TXNRD1: variants seen among roughly 807,000 people sequenced by gnomAD.
TXNRD1 encodes the protein thioredoxin reductase 1, also known as thioredoxin reductase 1, cytoplasmic.
TXNRD1 carries 57 observed loss-of-function variants against 80.3 expected under a neutral mutation model. That is an observed-to-expected ratio of 0.71 (90% CI 0.57 to 0.89). The LOEUF (loss-of-function observed/expected upper bound fraction) is 0.89. TXNRD1 is among the 40% of genes least tolerant of loss of function. The pLI, the probability that TXNRD1 is intolerant of heterozygous loss-of-function variation, is 0.00. For missense variants in TXNRD1, 730 were observed against 803.0 expected (o/e 0.91, Z 1.10); for synonymous variants, 291 against 285.2 (o/e 1.02, Z -0.20).
intron 4 of TXNRD1, among the ~76,000 whole-genome samples, chr12:104,292,859 CA>C (rs1234912502): frequency 5.3e-5 from 8 of 152,110 alleles, no homozygotes; most frequent in African/African-American, 1.9e-4. Context: ...CTTTAATACC[CA>C]AAACATATTT....
intron 2 of TXNRD1, among the ~76,000 whole-genome samples, chr12:104,254,644 A>AAAAAAAAAAAAATATATATAT: frequency 5.3e-5 from 5 of 93,646 alleles, no homozygotes; most frequent in Non-Finnish European, 5.7e-5. Context: ...AAAAAAAAAA[A>AAAAAAAAAAAAATATATATAT]ATATATATAT....
Position 104,286,819 on chromosome 12 carries a change from G to A in TXNRD1, c.305-2112G>A, listed in dbSNP as rs999972375. ...TTAAATTGTTTTTGCTCTGTTCTTA[G>A]GTTGGGGGCGGCTATGAGCAGGCAG... is the stretch of plus-strand genomic sequence containing the variant. On this transcript the variant is annotated intron_variant, in intron 3 of 16. Transcript: ENST00000525566. The A allele has an allele frequency of 1.3e-5, 14 of 1,052,834 alleles. No individual in the cohort carries two copies. The African/African-American group carries it at 1.9e-4, about 14-fold the overall frequency. The allele number at this position is 1,052,834 out of a possible 1,614,324, so 65.2% of individuals were successfully genotyped here. A position where few individuals can be genotyped will look rare whatever the true frequency, so the allele number is the denominator to read the frequency against.
At chr12:104,254,644 A>AAAAAAATATATATATATATAT in intron 2 of TXNRD1, among the ~76,000 whole-genome samples, 11 of 93,628 alleles carry the variant, frequency 1.2e-4, no homozygotes, top group Non-Finnish European at 1.9e-4. Context: ...AAAAAAAAAA[A>AAAAAAATATATATATATATAT]ATATATATAT....
At chr12:104,271,209 G>A (rs7969143) in intron 3 of TXNRD1, among the ~76,000 whole-genome samples, 129,685 of 143,558 alleles carry the variant, frequency 0.9, 58,791 homozygotes, top group Middle Eastern at 0.98. Context: ...TTTGTGAGAC[G>A]GAGTCTCGCT....
intron 3 of TXNRD1, among the ~76,000 whole-genome samples, chr12:104,268,417 C>T (rs1173941432): frequency 9.9e-5 from 15 of 151,504 alleles, no homozygotes; most frequent in South Asian, 4.2e-4. Flanking sequence ...CCCAGCTACT[C>T]CGGAGGGTGA....
intron 1 of TXNRD1, among the ~76,000 whole-genome samples, chr12:104,220,570 A>G (rs1465147156): frequency 6.6e-6 from 1 of 152,096 alleles, no homozygotes; most frequent in Non-Finnish European, 1.5e-5. Flanking sequence ...CTAAAAAAAT[A>G]CAAAATTAGC....
chr12:104,237,222 A>G (rs945269494), intron 1 of TXNRD1, among the ~76,000 whole-genome samples: 10 of 152,266 alleles, frequency 6.6e-5, no homozygotes, highest in African/African-American at 2.4e-4. Flanking sequence ...TTTGGTGTGT[A>G]ATAACTTACA....
At chr12:104,264,424 T>A (rs1466476121) in intron 3 of TXNRD1, among the ~76,000 whole-genome samples, 1 of 152,204 alleles carries the variant, frequency 6.6e-6, no homozygotes, top group African/African-American at 2.4e-5. Flanking sequence ...CTTTCTCCCA[T>A]AGCGAATGAG....
At chr12:104,267,931 C>CCTCCAT (rs1289613060) in intron 3 of TXNRD1, among the ~76,000 whole-genome samples, 4 of 150,530 alleles carry the variant, frequency 2.7e-5, no homozygotes, top group African/African-American at 9.8e-5. Flanking sequence ...CTCACTGCAA[C>CCTCCAT]CTCCATCTCC....
chr12:104,217,630 A>G (rs1047622201), intron 1 of TXNRD1, among the ~76,000 whole-genome samples: 1 of 152,132 alleles, frequency 6.6e-6, no homozygotes, highest in Admixed American at 6.6e-5. Context: ...GTTTTTAAGT[A>G]TACAGTTTTC....
At chr12:104,280,053 ACT>A (rs2033843947) in intron 3 of TXNRD1, among the ~76,000 whole-genome samples, 1 of 84,178 alleles carries the variant, frequency 1.2e-5, no homozygotes, top group African/African-American at 5.9e-5. Context: ...ACAGAGTGAG[ACT>A]CTGTCTCAAA....
intron 13 of TXNRD1, among the ~76,000 whole-genome samples, chr12:104,331,092 G>T (rs2035932154): frequency 6.6e-6 from 1 of 151,834 alleles, no homozygotes; most frequent in Non-Finnish European, 1.5e-5. Flanking sequence ...CTAAAGGTGG[G>T]ATTATTGGGC....
rs180876268 is a variant in TXNRD1, at chr12:104,273,131, G to C, written c.304+15052G>C. ...ATCAAGAGGAATAAGCAGACCTACA[G>C]CACCATGCCCAATAACTTGAAGGCC... On this transcript the variant is annotated intron_variant, in intron 3 of 16. Coordinates refer to ENST00000525566, the MANE Select transcript of TXNRD1 (RefSeq NM_001093771.3). Among the ~76,000 whole-genome samples, 683 of 152,322 alleles carry C rather than the reference G, an allele frequency of 4.5e-3. 6 individuals are homozygous for C. The highest frequency in any genetic ancestry group is 0.015 in the African/African-American group (644 of 41,580).
rs545355877 is a variant in TXNRD1, at chr12:104,274,825, G to A, written c.305-14106G>A. Among the ~76,000 whole-genome samples the A allele has an allele frequency of 1.3e-5, 2 of 152,206 alleles. 1 individual carries two copies. Among genetic ancestry groups the A allele is most frequent in the South Asian group, 4.1e-4 (2 of 4,828 alleles). ...TAACTCCTTGGCTGGTGGTGAGGGTGGTTGATCTGCACTTTTATGAGATGA... is the reference window on the plus strand; with the variant it reads ...TAACTCCTTGGCTGGTGGTGAGGGTAGTTGATCTGCACTTTTATGAGATGA... On this transcript the variant is annotated intron_variant, in intron 3 of 16. Transcript: ENST00000525566.
chr12:104,288,739 C>G (rs1483370213), intron 3 of TXNRD1, 192 bp from the exon 4 acceptor site: 2 of 1,452,644 alleles, frequency 1.4e-6, no homozygotes, highest in South Asian at 1.3e-5. Context: ...TTGCCGGGGT[C>G]AGACTCCAAG....
intron 3 of TXNRD1, among the ~76,000 whole-genome samples, chr12:104,284,925 C>T (rs2033940979): frequency 6.6e-6 from 1 of 152,152 alleles, no homozygotes; most frequent in Non-Finnish European, 1.5e-5. Context: ...CCTGTAATCC[C>T]AGCACTTTGG....
At position 104,230,318 on chromosome 12, in the gene TXNRD1, C is replaced by T. The variant is rs369521651; in HGVS notation, c.91+14425C>T. 2.0e-4 allele frequency among the ~76,000 whole-genome samples: 31 copies of T among 152,224 alleles called. 1 individual carries two copies. The highest frequency in any genetic ancestry group is 5.8e-4 in the African/African-American group (24 of 41,524). ...TCCCAACCTCAGGTGATCCACCCACCGCAGCCTCCCAAAGTGTTGAGATTA... is the reference window on the plus strand; with the variant it reads ...TCCCAACCTCAGGTGATCCACCCACTGCAGCCTCCCAAAGTGTTGAGATTA... On this transcript the variant is annotated intron_variant, in intron 1 of 16. Coordinates refer to ENST00000525566, the MANE Select transcript of TXNRD1 (RefSeq NM_001093771.3).
intron 4 of TXNRD1, among the ~76,000 whole-genome samples, chr12:104,309,441 T>C (rs1593807468): frequency 6.6e-6 from 1 of 152,232 alleles, no homozygotes; most frequent in East Asian, 1.9e-4. Context: ...CTTTTCAGCA[T>C]GAGGATACAT....
chr12:104,323,494 CT>C (rs2035621553), intron 10 of TXNRD1, among the ~76,000 whole-genome samples: 3 of 147,234 alleles, frequency 2.0e-5, no homozygotes, highest in Admixed American at 2.0e-4. Flanking sequence ...AGAGGCGCCC[CT>C]CACCTCCCGG....
Sources: allele counts gnomAD v4.1 joint callset (sites outside exome capture counted in the v4.1 genomes callset), GRCh38; gene constraint gnomAD v4.1.1; transcripts MANE v1.5; gene names NCBI Gene and HGNC (gene_info 2026-07-23, HGNC 2026-07-21).